PARD3B: variants seen among roughly 807,000 people sequenced by gnomAD.
PARD3B encodes partitioning defective 3 homolog B.
A neutral mutation model predicts 130.2 loss-of-function variants in PARD3B; 103 were observed. That is an observed-to-expected ratio of 0.79 (90% CI 0.67 to 0.93). The LOEUF is 0.93. Among genes scored for constraint, PARD3B ranks in the 40% least tolerant of loss-of-function variants. The pLI is 0.00. For synonymous variants in PARD3B, 583 were observed against 553.2 expected (o/e 1.05, Z -0.76); for missense variants, 1,609 against 1,499.2 (o/e 1.07, Z -1.21).
rs1428312846 is a variant in PARD3B, at chr2:205,128,390, A to T, written c.1434+2653A>T. Among the ~76,000 whole-genome samples, 1 of 152,216 alleles carries T rather than the reference A, an allele frequency of 6.6e-6. No homozygotes were observed. The highest frequency in any genetic ancestry group is 2.4e-5 in the African/African-American group (1 of 41,462). On this transcript the variant is annotated intron_variant, in intron 10 of 22. Coordinates refer to ENST00000406610, the MANE Select transcript of PARD3B (RefSeq NM_001302769.2). The surrounding 1 kb of genome is among the most constrained non-coding windows in gnomAD (Gnocchi z 4.5). The stretch of plus-strand genomic sequence containing the variant: ...TCCACCAGGTAAGGGATGCTGATTT[A>T]TCCCAGTTTGAAGCTCTGAATTCAT...
At chr2:205,430,618 A>G (rs1186269449) in intron 19 of PARD3B, among the ~76,000 whole-genome samples, 1 of 152,270 alleles carries the variant, frequency 6.6e-6, no homozygotes, top group Non-Finnish European at 1.5e-5. Context: ...CTCTTCATAA[A>G]CAAGATATTT....
chr2:204,661,468 C>A (rs1232114188), intron 1 of PARD3B, among the ~76,000 whole-genome samples: 1 of 152,088 alleles, frequency 6.6e-6, no homozygotes, highest in Non-Finnish European at 1.5e-5. Flanking sequence ...AAACCAAGTA[C>A]CTCATGACCA....
intron 16 of PARD3B, among the ~76,000 whole-genome samples, chr2:205,259,886 T>G (rs2105758068): frequency 6.6e-6 from 1 of 152,306 alleles, no homozygotes; most frequent in African/African-American, 2.4e-5. Flanking sequence ...ATTTTGGGGA[T>G]GGGACCCAAG....
chr2:204,889,671 G>C (rs747300138), intron 2 of PARD3B, among the ~76,000 whole-genome samples: 1 of 152,162 alleles, frequency 6.6e-6, no homozygotes, highest in Non-Finnish European at 1.5e-5. Context: ...AATATGTGCT[G>C]AGTAAAATTC....
Position 204,690,806 on chromosome 2 carries a change from T to C in PARD3B, c.222+4524T>C, listed in dbSNP as rs72930299. Among the ~76,000 whole-genome samples, 1,204 of 152,276 alleles carry C rather than the reference T, an allele frequency of 7.9e-3. 12 individuals are homozygous for C. Among genetic ancestry groups the C allele is most frequent in the South Asian group, 0.031 (149 of 4,826 alleles). Reference sequence around the variant, plus strand: ...TTTCCCATTTTAACTTTTAAAGTGATGTTAGTCTTCTCAAATTTCATATTG... The same window carrying C: ...TTTCCCATTTTAACTTTTAAAGTGACGTTAGTCTTCTCAAATTTCATATTG... On this transcript the variant is annotated intron_variant, in intron 2 of 22. Transcript: ENST00000406610.
chr2:205,283,420 G>A (rs1253373941), intron 16 of PARD3B, among the ~76,000 whole-genome samples: 1 of 152,152 alleles, frequency 6.6e-6, no homozygotes, highest in East Asian at 1.9e-4. Context: ...GAGTAGCTGG[G>A]ACCACAGGCG....
Position 205,227,954 on chromosome 2 carries a change from A to T in PARD3B, c.2141-17824A>T, listed in dbSNP as rs528530859. Among the ~76,000 whole-genome samples, 394 of 152,308 alleles carry T rather than the reference A, an allele frequency of 2.6e-3. 2 individuals are homozygous for T. The highest frequency in any genetic ancestry group is 9.1e-3 in the African/African-American group (379 of 41,582). On this transcript the variant is annotated intron_variant, in intron 15 of 22. Coordinates refer to ENST00000406610, the MANE Select transcript of PARD3B (RefSeq NM_001302769.2). ...ACTGACTGCATAAAGAAACAAACTA[A>T]TAAACAGGCAAAAAGAAGACTAATG...
At chr2:205,110,578 C>T (rs1482060227) in intron 5 of PARD3B, among the ~76,000 whole-genome samples, 1 of 149,120 alleles carries the variant, frequency 6.7e-6, no homozygotes, top group Non-Finnish European at 1.5e-5. Context: ...CACTTTTCTT[C>T]TATGTATAAC....
chr2:204,707,936 G>T (rs2038255771), intron 2 of PARD3B, among the ~76,000 whole-genome samples: 1 of 152,112 alleles, frequency 6.6e-6, no homozygotes. Flanking sequence ...GGAGACCCTG[G>T]CATGGGAGTC....
At chr2:204,801,497 A>C (rs2042566831) in intron 2 of PARD3B, among the ~76,000 whole-genome samples, 1 of 152,164 alleles carries the variant, frequency 6.6e-6, no homozygotes, top group African/African-American at 2.4e-5. Context: ...GAGTTCACTC[A>C]TGATTTGGCT....
At chr2:204,860,231 G>C (rs1575152089) in intron 2 of PARD3B, among the ~76,000 whole-genome samples, 1 of 152,058 alleles carries the variant, frequency 6.6e-6, no homozygotes, top group East Asian at 1.9e-4. Context: ...AAAAATCAAA[G>C]GAAATTGTTT....
intron 2 of PARD3B, among the ~76,000 whole-genome samples, chr2:204,724,599 C>T (rs74676648): frequency 0.11 from 17,224 of 152,074 alleles, 1,215 homozygotes; most frequent in East Asian, 0.24. Flanking sequence ...TTATCTACAA[C>T]ATTTTGGGCT....
chr2:205,109,225 A>G (rs921750034), intron 5 of PARD3B, among the ~76,000 whole-genome samples: 1 of 152,218 alleles, frequency 6.6e-6, no homozygotes, highest in Non-Finnish European at 1.5e-5. Context: ...ACCATCAAGT[A>G]GAGTTCAAGG....
intron 1 of PARD3B, among the ~76,000 whole-genome samples, chr2:204,602,800 G>C (rs919841762): frequency 6.6e-6 from 1 of 152,134 alleles, no homozygotes; most frequent in Middle Eastern, 3.4e-3. Flanking sequence ...GATACTCTAA[G>C]TGTCTCCCGA....
intron 1 of PARD3B, among the ~76,000 whole-genome samples, chr2:204,630,599 A>G (rs2034644876): frequency 6.6e-6 from 1 of 152,034 alleles, no homozygotes; most frequent in African/African-American, 2.4e-5. Flanking sequence ...TATAGTTGCA[A>G]TTTTTGTCTT....
chr2:204,804,255 A>G (rs1398698259), intron 2 of PARD3B, among the ~76,000 whole-genome samples: 2 of 152,150 alleles, frequency 1.3e-5, no homozygotes, highest in Non-Finnish European at 2.9e-5. Flanking sequence ...CCTACAAGAA[A>G]CACAGTTTAC....
In PARD3B at chr2:205,213,778, G is replaced by A. The variant is rs766121514; in HGVS notation, c.2140+20458G>A. Among the ~76,000 whole-genome samples the A allele has an allele frequency of 7.2e-5, 11 of 152,164 alleles. No individual in the cohort carries two copies. In the South Asian group the frequency reaches 8.3e-4, roughly 11 times the overall value. On this transcript the variant is annotated intron_variant, in intron 15 of 22. Transcript: ENST00000406610. Reference sequence around the variant, plus strand: ...TTGGGAAAGGCTGATAAAAATGAACGTATTTAAGGAAGGAACCAAACACAG... The same window carrying A: ...TTGGGAAAGGCTGATAAAAATGAACATATTTAAGGAAGGAACCAAACACAG...
rs184958637 is a variant in PARD3B at position 205,334,638 on chromosome 2, C to G, written c.2630+32937C>G. 2.2e-3 allele frequency among the ~76,000 whole-genome samples: 339 copies of G among 152,326 alleles called. 2 individuals are homozygous for G. Among genetic ancestry groups the G allele is most frequent in the Non-Finnish European group, 3.2e-3 (218 of 68,016 alleles). ...ATCACCTCTGCTTTTTGAAGTCTTA[C>G]AATGTTTCTTTCTCTATGGCCTTTT... On this transcript the variant is annotated intron_variant, in intron 18 of 22. Transcript: ENST00000406610.
intron 2 of PARD3B, among the ~76,000 whole-genome samples, chr2:204,820,245 T>G (rs558381935): frequency 2.0e-5 from 3 of 151,058 alleles, no homozygotes; most frequent in Admixed American, 6.6e-5. Flanking sequence ...CCAATTAATT[T>G]TATATGTTTT....
Sources: gnomAD v4.1 joint callset for allele counts (sites outside exome capture counted in the v4.1 genomes callset) on GRCh38, gnomAD v4.1.1 for gene constraint, Gnocchi (gnomAD v3.1) non-coding constraint, MANE v1.5 for transcripts, NCBI Gene and HGNC (gene_info 2026-07-23, HGNC 2026-07-21) for gene names.